The following DHRS12 variants were observed in gnomAD, a reference collection of about 807,000 sequenced individuals.
DHRS12 encodes the protein dehydrogenase/reductase 12.
In DHRS12, 29 loss-of-function variants were observed where a neutral mutation model predicts 32.1. The observed-to-expected ratio is 0.90, with a 90% CI of 0.67 to 1.23. The LOEUF (loss-of-function observed/expected upper bound fraction) is 1.23. Among genes scored for constraint, DHRS12 ranks in the 50% most tolerant of loss-of-function variants. The probability of loss-of-function intolerance (pLI) is 0.00; values close to 1 mark genes in which losing one functional copy is unlikely to be tolerated. For synonymous variants in DHRS12, 150 were observed against 135.9 expected (o/e 1.10, Z -0.72); for missense variants, 330 against 337.2 (o/e 0.98, Z 0.17).
In DHRS12 at chr13:51,771,837, G is replaced by A; in HGVS notation, c.543C>T (p.Gly181=). The A allele has an allele frequency of 6.2e-7, 1 of 1,614,156 alleles. No individual in the cohort carries two copies. The highest frequency in any genetic ancestry group is 1.7e-5 in the Admixed American group (1 of 60,024). Residue 181 remains glycine (G), a synonymous_variant, in exon 7 of 9, where the codon GGC becomes GGT. Coordinates refer to ENST00000444610, the MANE Select transcript of DHRS12 (RefSeq NM_001377533.1). ...ATGACATACCTGGGGTGTCGGCCCA[G>A]CCAGGATGCATGGAAGAAAAATGGA... The part of the protein sequence containing the change: ...PAIHFSSMHP[G]WADTPGVRQA...
Position 51,782,114 on chromosome 13 carries a change from G to A in DHRS12, c.302-4993C>T, listed in dbSNP as rs1168751784. On this transcript the variant is annotated intron_variant, in intron 4 of 8. Transcript: ENST00000444610. This position sits in a 1 kb window ranked among gnomAD's most constrained non-coding sequence, Gnocchi z 4.2. The stretch of plus-strand genomic sequence containing the variant: ...GGAGATGATGCTGGCCACTGGGGTG[G>A]GGCCCATTACAGGAGCAGACCGGTG... Among the ~76,000 whole-genome samples, 2 of 152,158 alleles carry A rather than the reference G, an allele frequency of 1.3e-5. No individual in the cohort carries two copies. The highest frequency in any genetic ancestry group is 2.9e-5 in the Non-Finnish European group (2 of 68,036).
At chr13:51,756,519 C>T in the DHRS12 span, 1 of 1,563,746 alleles carries the variant, frequency 6.4e-7, no homozygotes, top group Non-Finnish European at 8.7e-7. Flanking sequence ...TAATCTGAGC[C>T]TTGCACTCAG....
intron 2 of DHRS12, among the ~76,000 whole-genome samples, chr13:51,794,578 T>C (rs940698704): frequency 6.6e-6 from 1 of 152,168 alleles, no homozygotes; most frequent in Non-Finnish European, 1.5e-5. Flanking sequence ...ATAAGTGCTT[T>C]CACAGAACCT....
intron 7 of DHRS12, chr13:51,771,340 C>T: frequency 1.2e-6 from 2 of 1,605,906 alleles, no homozygotes; most frequent in South Asian, 1.1e-5. Context: ...GAATTCTGCT[C>T]CCCTCCACCG....
rs759493085 is a variant in DHRS12, at chr13:51,782,476, T to C, written c.302-5355A>G. On this transcript the variant is annotated intron_variant, in intron 4 of 8. Coordinates refer to ENST00000444610, the MANE Select transcript of DHRS12 (RefSeq NM_001377533.1). The surrounding 1 kb of genome is among the most constrained non-coding windows in gnomAD (Gnocchi z 4.2). ...AGCTGTGCCCAGTGCTGCCCATGGA[T>C]GTGGTAGAGGTGCGCTCTCCAGAAC... Among the ~76,000 whole-genome samples, 42 of 152,120 alleles carry C rather than the reference T, an allele frequency of 2.8e-4. No homozygotes were observed. The highest frequency in any genetic ancestry group is 1.2e-4 in the Non-Finnish European group (8 of 68,024).
At chr13:51,765,862 GTTTACC>G (rs1027393448), downstream of DHRS12, 8 of 152,268 alleles carry the variant, frequency 5.3e-5, no homozygotes, top group South Asian at 6.2e-4. Context: ...ACCTCAAAAT[GTTTACC>G]TTTACAAGTC....
In DHRS12 at chr13:51,768,211, TTC is replaced by T. The variant is rs1953838391; in HGVS notation, c.781_782del (p.Glu261ThrfsTer7). On this transcript the variant is annotated frameshift_variant, in exon 9 of 9. Coordinates refer to ENST00000444610, the MANE Select transcript of DHRS12 (RefSeq NM_001377533.1). LOFTEE classifies it high-confidence loss of function. ...AEEEKLIEILEQLAQTFK is the reference protein window; with the variant it reads ...AEEEKLIEILXQLAQTFK ...CCTATTTAAATGTCTGAGCCAGCTG[TTC>T]CAGGATTTCAATGAGTTTCTCCTCT... is the stretch of plus-strand genomic sequence containing the variant. The T allele has an allele frequency of 2.6e-6, 4 of 1,536,110 alleles. No homozygotes were observed. The highest frequency in any genetic ancestry group is 3.5e-6 in the Non-Finnish European group (4 of 1,146,900).
intron 1 of DHRS12, among the ~76,000 whole-genome samples, chr13:51,802,522 T>C (rs1458525669): frequency 1.3e-5 from 2 of 152,184 alleles, no homozygotes; most frequent in African/African-American, 4.8e-5. Flanking sequence ...AATATGAAAT[T>C]TGCTTAGGAC....
downstream of DHRS12, chr13:51,767,271 T>A (rs1182874337): frequency 6.6e-6 from 1 of 152,272 alleles, no homozygotes; most frequent in Non-Finnish European, 1.5e-5. Flanking sequence ...CTGAGGCCCA[T>A]CATCCTCCTG....
chr13:51,771,319 A>G, intron 7 of DHRS12: 1 of 1,584,756 alleles, frequency 6.3e-7, no homozygotes. Context: ...TGGTGAGGCC[A>G]ATCCGGAAGA....
the DHRS12 span, chr13:51,756,626 T>C: frequency 1.0e-6 from 1 of 985,310 alleles, no homozygotes; most frequent in East Asian, 1.1e-4. Context: ...AAGAGATTTG[T>C]GGTATCCTGT....
intron 4 of DHRS12, among the ~76,000 whole-genome samples, chr13:51,781,545 G>T (rs546047752): frequency 6.6e-6 from 1 of 152,196 alleles, no homozygotes; most frequent in Non-Finnish European, 1.5e-5. Context: ...GCACATGGGG[G>T]TGGGACGGCG....
At chr13:51,777,199 ACTGT>A (rs1954471467) in intron 4 of DHRS12, 78 bp from the exon 5 acceptor site, 1 of 1,548,422 alleles carries the variant, frequency 6.5e-7, no homozygotes, top group African/African-American at 1.4e-5. Flanking sequence ...TGATGTGGGG[ACTGT>A]CTGCCCGCAC....
chr13:51,787,793 T>A (rs1321695026), intron 4 of DHRS12, among the ~76,000 whole-genome samples: 2 of 12,490 alleles, frequency 1.6e-4, no homozygotes, highest in Non-Finnish European at 3.6e-4. Context: ...TTATAATATA[T>A]TAATATATAT....
chr13:51,789,124 A>G (rs1329093495), intron 4 of DHRS12, among the ~76,000 whole-genome samples: 1 of 152,198 alleles, frequency 6.6e-6, no homozygotes, highest in East Asian at 1.9e-4. Flanking sequence ...CAATTTGTTC[A>G]GTTCTTGGTT....
At chr13:51,765,576 C>T (rs1473913476), downstream of DHRS12, 3 of 152,184 alleles carry the variant, frequency 2.0e-5, no homozygotes, top group African/African-American at 7.2e-5. Flanking sequence ...CCCTGAGTCT[C>T]GTTTATTATT....
At position 51,771,260 on chromosome 13, in the gene DHRS12, G is replaced by C. The variant is rs144695820; in HGVS notation, c.559+561C>G. The C allele has an allele frequency of 6.9e-4, 1,066 of 1,552,502 alleles. 5 individuals are homozygous for C. In the African/African-American group the frequency reaches 0.013, roughly 19 times the overall value. On this transcript the variant is annotated intron_variant, in intron 7 of 8. Coordinates refer to ENST00000444610, the MANE Select transcript of DHRS12 (RefSeq NM_001377533.1). ...GCTTTCAGTTCCCTTGTTTGTAGAG[G>C]AGGAAAGAGCTGCAGAGAGCCCAGG...
chr13:51,795,628 A>T (rs1255827264), intron 2 of DHRS12, among the ~76,000 whole-genome samples: 1 of 152,200 alleles, frequency 6.6e-6, no homozygotes, highest in East Asian at 1.9e-4. Flanking sequence ...GATTAGTAAC[A>T]ACAGGAAACT....
Position 51,768,071 on chromosome 13 carries a change from AG to A in DHRS12, c.*115del. 3.4e-6 allele frequency: 5 copies of A among 1,476,278 alleles called. No individual in the cohort carries two copies. Among genetic ancestry groups the A allele is most frequent in the Non-Finnish European group, 4.5e-6 (5 of 1,117,750 alleles). The allele number at this position is 1,476,278 out of a possible 1,614,324, so 91.4% of individuals were successfully genotyped here. ...CCCATCCCTTGTAGGCCTCGCTGTG[AG>A]GCACAACGTCTTCGAGGGGAAGTTG... On this transcript the variant is annotated 3_prime_UTR_variant, in exon 9 of 9. Coordinates refer to ENST00000444610, the MANE Select transcript of DHRS12 (RefSeq NM_001377533.1).
Sources: allele counts gnomAD v4.1 joint callset (sites outside exome capture counted in the v4.1 genomes callset), GRCh38; gene constraint gnomAD v4.1.1; non-coding constraint Gnocchi (gnomAD v3.1); transcripts MANE v1.5; gene names NCBI Gene and HGNC (gene_info 2026-07-23, HGNC 2026-07-21).